The following NKAIN2 variants were observed in gnomAD, a reference collection of about 807,000 sequenced individuals.
The protein encoded by NKAIN2 is sodium/potassium transporting ATPase interacting 2, also known as sodium/potassium-transporting ATPase subunit beta-1-interacting protein 2.
Under a neutral mutation model 32.6 loss-of-function variants are expected in NKAIN2, and 14 were observed. The ratio of observed to expected loss-of-function variants is 0.43; its 90% CI spans 0.28 to 0.67. NKAIN2 has a LOEUF of 0.67. Among genes scored for constraint, NKAIN2 ranks in the 30% least tolerant of loss-of-function variants. The pLI is 0.17. For missense variants in NKAIN2, 198 were observed against 258.3 expected (o/e 0.77, Z 1.60); for synonymous variants, 80 against 87.2 (o/e 0.92, Z 0.46).
intron 1 of NKAIN2, among the ~76,000 whole-genome samples, chr6:124,009,358 G>A (rs1375430060): frequency 6.6e-6 from 1 of 152,228 alleles, no homozygotes; most frequent in South Asian, 2.1e-4. Flanking sequence ...GAGCATGAAC[G>A]GTAAGCAGTC....
At chr6:124,690,700 C>G (rs1774213918) in intron 4 of NKAIN2, among the ~76,000 whole-genome samples, 1 of 152,138 alleles carries the variant, frequency 6.6e-6, no homozygotes, top group East Asian at 1.9e-4. Context: ...TATTCTTTCT[C>G]TACACTGTAT....
intron 2 of NKAIN2, among the ~76,000 whole-genome samples, chr6:124,313,085 T>C (rs1191596230): frequency 1.3e-5 from 2 of 152,126 alleles, no homozygotes; most frequent in African/African-American, 4.8e-5. Context: ...TTTATACATA[T>C]AATATCACAG....
chr6:124,710,477 A>G (rs2114601527), intron 4 of NKAIN2, among the ~76,000 whole-genome samples: 2 of 151,956 alleles, frequency 1.3e-5, no homozygotes, highest in Non-Finnish European at 2.9e-5. Context: ...GTCTCTTTGT[A>G]GGTCACTCAG....
chr6:124,545,188 T>C (rs1396816031), intron 3 of NKAIN2, among the ~76,000 whole-genome samples: 1 of 152,204 alleles, frequency 6.6e-6, no homozygotes, highest in East Asian at 1.9e-4. Flanking sequence ...CTTCAATGCC[T>C]GCCCTGAAAA....
intron 5 of NKAIN2, among the ~76,000 whole-genome samples, chr6:124,808,706 G>C (rs1359305091): frequency 1.3e-5 from 2 of 152,214 alleles, no homozygotes; most frequent in Non-Finnish European, 2.9e-5. Flanking sequence ...CCTGTTTGCA[G>C]ATGATATGAT....
chr6:124,503,768 T>G (rs926277832), intron 3 of NKAIN2, among the ~76,000 whole-genome samples: 1 of 152,124 alleles, frequency 6.6e-6, no homozygotes, highest in Non-Finnish European at 1.5e-5. Context: ...AGAACAATAG[T>G]CTAAGCCTTG....
At chr6:124,145,485 A>C (rs1201489388) in intron 1 of NKAIN2, among the ~76,000 whole-genome samples, 1 of 141,616 alleles carries the variant, frequency 7.1e-6, no homozygotes, top group African/African-American at 2.5e-5. Context: ...TAAACTGACA[A>C]ACTTTTTTTG....
intron 1 of NKAIN2, among the ~76,000 whole-genome samples, chr6:123,970,871 ATC>A (rs2114635850): frequency 6.6e-6 from 1 of 152,134 alleles, no homozygotes; most frequent in African/African-American, 2.4e-5. Flanking sequence ...GACGAAGTGA[ATC>A]TCTGTCTCAA....
intron 3 of NKAIN2, among the ~76,000 whole-genome samples, chr6:124,501,415 C>T (rs748206000): frequency 6.6e-6 from 1 of 152,036 alleles, no homozygotes; most frequent in Non-Finnish European, 1.5e-5. Flanking sequence ...AATAAGTTAG[C>T]TCAAATTAGC....
At chr6:123,809,112 G>A (rs923152250) in intron 1 of NKAIN2, among the ~76,000 whole-genome samples, 1 of 151,932 alleles carries the variant, frequency 6.6e-6, no homozygotes, top group African/African-American at 2.4e-5. Flanking sequence ...TTCATAAGCA[G>A]TTTTGAAACT....
intron 1 of NKAIN2, among the ~76,000 whole-genome samples, chr6:124,187,743 C>G (rs1789816711): frequency 6.6e-6 from 1 of 152,134 alleles, no homozygotes; most frequent in Admixed American, 6.5e-5. Context: ...GTCCACGCAA[C>G]TCTCTATTTT....
chr6:124,796,642 G>A (rs900799136), intron 5 of NKAIN2, among the ~76,000 whole-genome samples: 2 of 152,168 alleles, frequency 1.3e-5, no homozygotes, highest in Admixed American at 6.5e-5. Context: ...CTGCTGTGGT[G>A]TGATCTGCCT....
intron 5 of NKAIN2, among the ~76,000 whole-genome samples, chr6:124,803,436 A>C (rs1167960234): frequency 6.6e-6 from 1 of 152,212 alleles, no homozygotes; most frequent in Non-Finnish European, 1.5e-5. Context: ...TTGCCCACAA[A>C]TGTGGCAAAG....
intron 3 of NKAIN2, among the ~76,000 whole-genome samples, chr6:124,598,038 C>T (rs1782158015): frequency 6.6e-6 from 1 of 152,146 alleles, no homozygotes; most frequent in Non-Finnish European, 1.5e-5. Context: ...AAACATCTAA[C>T]TTTGAAGCTG....
chr6:123,882,049 A>G (rs1480199413), intron 1 of NKAIN2, among the ~76,000 whole-genome samples: 1 of 152,164 alleles, frequency 6.6e-6, no homozygotes, highest in African/African-American at 2.4e-5. Flanking sequence ...AAATCTATGA[A>G]TATTTTTGAG....
At chr6:124,338,630 T>A (rs1360782615) in intron 2 of NKAIN2, among the ~76,000 whole-genome samples, 1 of 152,174 alleles carries the variant, frequency 6.6e-6, no homozygotes, top group Non-Finnish European at 1.5e-5. Context: ...ATCCTAGAAC[T>A]TTATTCTAAA....
intron 3 of NKAIN2, among the ~76,000 whole-genome samples, chr6:124,464,101 C>T (rs1583291044): frequency 1.3e-5 from 2 of 152,164 alleles, no homozygotes; most frequent in African/African-American, 2.4e-5. Flanking sequence ...TATTCTCATG[C>T]CCCAGCCTCC....
chr6:124,282,968 C>T (rs767214845), intron 1 of NKAIN2, 37 bp from the exon 2 acceptor site: 11 of 1,603,468 alleles, frequency 6.9e-6, no homozygotes, highest in Non-Finnish European at 9.4e-6. Context: ...TGCTGTTTCT[C>T]ACATGCTGAT....
chr6:124,020,992 T>C (rs539720170), intron 1 of NKAIN2, among the ~76,000 whole-genome samples: 3 of 152,214 alleles, frequency 2.0e-5, no homozygotes, highest in South Asian at 4.1e-4. Flanking sequence ...AACAAGACTA[T>C]GGAATATATA....
Sources: gnomAD v4.1 joint callset for allele counts (sites outside exome capture counted in the v4.1 genomes callset) on GRCh38, gnomAD v4.1.1 for gene constraint, MANE v1.5 for transcripts, NCBI Gene and HGNC (gene_info 2026-07-23, HGNC 2026-07-21) for gene names.